Variants in PIEZO2 observed in about 807,000 individuals in gnomAD.
The protein encoded by PIEZO2 is piezo-type mechanosensitive ion channel component 2.
PIEZO2 carries 172 observed loss-of-function variants against 337.3 expected under a neutral mutation model. That is an observed-to-expected ratio of 0.51 (90% CI 0.45 to 0.58). The LOEUF is 0.58. Ranked by LOEUF, PIEZO2 falls within the 20% of genes least tolerant of loss-of-function variation. The pLI is 0.00. For missense variants in PIEZO2, 3,028 were observed against 3,391.3 expected, an observed-to-expected ratio of 0.89 and a Z score of 2.66; for synonymous variants, 1,251 against 1,228.5, an observed-to-expected ratio of 1.02 and a Z score of -0.38.
At position 10,868,157 on chromosome 18, in the gene PIEZO2, A is replaced by G. The variant is rs138490602; in HGVS notation, c.492+3096T>C. Among the ~76,000 whole-genome samples, 224 of 152,344 alleles carry G rather than the reference A, an allele frequency of 1.5e-3. 2 individuals carry two copies. Among genetic ancestry groups the G allele is most frequent in the African/African-American group, 4.4e-3 (182 of 41,590 alleles). ...CACGGATTAGTTGCTGCTTTAAAAC[A>G]ACACCGCTTTTGAAAAGGAATTCTC... is the stretch of plus-strand genomic sequence containing the variant. On this transcript the variant is annotated intron_variant, in intron 5 of 55. Coordinates refer to ENST00000674853, the MANE Select transcript of PIEZO2 (RefSeq NM_001378183.1).
chr18:10,997,393 T>C (rs1380462891), intron 2 of PIEZO2, among the ~76,000 whole-genome samples: 1 of 151,954 alleles, frequency 6.6e-6, no homozygotes, highest in East Asian at 1.9e-4. Context: ...ACCAGGAAAA[T>C]CTGATCAATT....
intron 18 of PIEZO2, among the ~76,000 whole-genome samples, chr18:10,776,158 C>T (rs573350224): frequency 6.6e-6 from 1 of 152,122 alleles, no homozygotes; most frequent in South Asian, 2.1e-4. Context: ...TTTTTAGAGG[C>T]CATAGAGAAG....
At chr18:10,937,500 A>T (rs888953332) in intron 3 of PIEZO2, among the ~76,000 whole-genome samples, 10 of 152,142 alleles carry the variant, frequency 6.6e-5, no homozygotes, top group Admixed American at 2.0e-4. Context: ...AGATTTGCCT[A>T]AATATCTATA....
In PIEZO2 at chr18:10,833,556, G is replaced by C. The variant is rs994839770; in HGVS notation, c.917+21797C>G. On this transcript the variant is annotated intron_variant, in intron 7 of 55. Transcript: ENST00000674853. This position sits in a 1 kb window ranked among gnomAD's most constrained non-coding sequence, Gnocchi z 4.7. ...CGTCTGTGCCCCCAGTTACTACAAG[G>C]ATGAGAGATTGTACAGCCCAAACTG... is the stretch of plus-strand genomic sequence containing the variant. Among the ~76,000 whole-genome samples, 1 of 152,122 alleles carries C rather than the reference G, an allele frequency of 6.6e-6. No homozygotes were observed. Among genetic ancestry groups the C allele is most frequent in the African/African-American group, 2.4e-5 (1 of 41,418 alleles).
chr18:11,106,440 G>C (rs1345025742), intron 1 of PIEZO2, among the ~76,000 whole-genome samples: 1 of 116,002 alleles, frequency 8.6e-6, no homozygotes, highest in Non-Finnish European at 1.6e-5. Flanking sequence ...TTTTTTCTGA[G>C]ACAGGGTCTC....
intron 3 of PIEZO2, among the ~76,000 whole-genome samples, chr18:10,934,985 G>A (rs919077224): frequency 1.3e-5 from 2 of 152,112 alleles, no homozygotes; most frequent in African/African-American, 4.8e-5. Context: ...ACACAATCAT[G>A]AAGCAGAAAA....
At chr18:10,698,874 A>C (rs2035212776) in intron 44 of PIEZO2, 51 bp downstream of exon 44, 1 of 1,527,596 alleles carries the variant, frequency 6.5e-7, no homozygotes, top group Non-Finnish European at 8.7e-7. Context: ...CCAGAAAAAC[A>C]AGGCCACCTG....
Position 10,731,471 on chromosome 18 carries a change from T to G in PIEZO2, c.4965A>C (p.Arg1655Ser), listed in dbSNP as rs1409221401. 6.5e-7 allele frequency: 1 copy of G among 1,535,428 alleles called. No homozygotes were observed. Among genetic ancestry groups the G allele is most frequent in the Non-Finnish European group, 8.7e-7 (1 of 1,146,158 alleles). Residue 1655 changes from arginine to serine, a missense_variant, in exon 36 of 56, where the codon AGA becomes AGC. Arg to Ser is a moderately radical substitution (Grantham distance 110). Coordinates refer to ENST00000674853, the MANE Select transcript of PIEZO2 (RefSeq NM_001378183.1). Reference sequence around the variant, plus strand: ...TTGCAGACCTTTTTTTCTCTTTGTGTCTTTGTCGGAGTGCTGTTTTAGGAT... The same window carrying G: ...TTGCAGACCTTTTTTTCTCTTTGTGGCTTTGTCGGAGTGCTGTTTTAGGAT... Reference protein sequence around the residue: ...ITDPKTALRQRHKEKKRSARE... With the variant: ...ITDPKTALRQSHKEKKRSARE...
intron 3 of PIEZO2, among the ~76,000 whole-genome samples, chr18:10,936,937 C>A (rs150088774): frequency 2.0e-3 from 307 of 152,168 alleles, no homozygotes; most frequent in African/African-American, 7.0e-3. Flanking sequence ...CCTTGTGAAT[C>A]CCCCCATGAC....
chr18:11,039,765 CACACACACACAA>C (rs996993350), intron 2 of PIEZO2, among the ~76,000 whole-genome samples: 2 of 144,328 alleles, frequency 1.4e-5, no homozygotes, highest in Non-Finnish European at 3.0e-5. Context: ...CACACACACA[CACACACACACAA>C]AATTTCTTCC....
intron 13 of PIEZO2, among the ~76,000 whole-genome samples, chr18:10,793,636 A>G (rs759088211): frequency 7.9e-5 from 12 of 152,164 alleles, no homozygotes; most frequent in Admixed American, 2.0e-4. Flanking sequence ...GTGTGTGAAT[A>G]TGTGTGTGTG....
Position 11,126,068 on chromosome 18 carries a change from T to G in PIEZO2, c.64+22457A>C, listed in dbSNP as rs2040172905. On this transcript the variant is annotated intron_variant, in intron 1 of 55. Transcript: ENST00000674853. The surrounding 1 kb of genome is among the most constrained non-coding windows in gnomAD (Gnocchi z 4.6). The stretch of plus-strand genomic sequence containing the variant: ...GTTAACTTTCAGTCTGTACTTACCC[T>G]TAGACCTGCATTACAAGTAGAACAG... Among the ~76,000 whole-genome samples the G allele has an allele frequency of 6.6e-6, 1 of 152,180 alleles. No individual in the cohort carries two copies. Among genetic ancestry groups the G allele is most frequent in the Non-Finnish European group, 1.5e-5 (1 of 68,032 alleles).
intron 7 of PIEZO2, among the ~76,000 whole-genome samples, chr18:10,816,792 A>G (rs1171118066): frequency 6.6e-6 from 1 of 152,236 alleles, no homozygotes; most frequent in Non-Finnish European, 1.5e-5. Context: ...TGATATTTCC[A>G]GATGTGGTAA....
At position 10,719,005 on chromosome 18, in the gene PIEZO2, A is replaced by AT. The variant is rs1448650130; in HGVS notation, c.5030-747dup. On this transcript the variant is annotated intron_variant, in intron 36 of 55. Coordinates refer to ENST00000674853, the MANE Select transcript of PIEZO2 (RefSeq NM_001378183.1). ...AATAAATAAATAAATAAATAAATAA[A>AT]TAAATAAATAAATAAATAAATTTGC... Among the ~76,000 whole-genome samples the AT allele has an allele frequency of 4.2e-3, 629 of 148,620 alleles. 3 individuals are homozygous for AT. The highest frequency in any genetic ancestry group is 0.015 in the African/African-American group (597 of 38,826).
At position 10,707,401 on chromosome 18, in the gene PIEZO2, C is replaced by T. The variant is rs1464128130; in HGVS notation, c.5588+874G>A. 6.6e-6 allele frequency among the ~76,000 whole-genome samples: 1 copy of T among 152,148 alleles called. No individual in the cohort carries two copies. The highest frequency in any genetic ancestry group is 1.5e-5 in the Non-Finnish European group (1 of 68,036). Reference sequence around the variant, plus strand: ...TGTCAAATGGCCAAGGCATTCCCATCAATGCCAGGTGTCAGCATACTGCAG... The same window carrying T: ...TGTCAAATGGCCAAGGCATTCCCATTAATGCCAGGTGTCAGCATACTGCAG... On this transcript the variant is annotated intron_variant, in intron 40 of 55. Coordinates refer to ENST00000674853, the MANE Select transcript of PIEZO2 (RefSeq NM_001378183.1). This position sits in a 1 kb window ranked among gnomAD's most constrained non-coding sequence, Gnocchi z 4.2.
chr18:10,726,835 C>A lies in PIEZO2; in HGVS notation c.5029+4572G>T. 2 of 1,579,590 alleles carry A rather than the reference C, an allele frequency of 1.3e-6. No individual in the cohort carries two copies. Among genetic ancestry groups the A allele is most frequent in the Non-Finnish European group, 1.7e-6 (2 of 1,152,266 alleles). On this transcript the variant is annotated intron_variant, in intron 36 of 55. Transcript: ENST00000674853. The surrounding 1 kb of genome is among the most constrained non-coding windows in gnomAD (Gnocchi z 5.9). ...TGGGGTGCTGGATAATACCCGGATG[C>A]CCCACCTTATGCAGGACTTGGCACG...
At chr18:10,970,799 C>T (rs1411281741) in intron 3 of PIEZO2, among the ~76,000 whole-genome samples, 1 of 151,734 alleles carries the variant, frequency 6.6e-6, no homozygotes, top group Non-Finnish European at 1.5e-5. Flanking sequence ...GAAATTTTGC[C>T]CTATTACGGG....
At chr18:10,944,777 G>C (rs1459699650) in intron 3 of PIEZO2, among the ~76,000 whole-genome samples, 1 of 151,906 alleles carries the variant, frequency 6.6e-6, no homozygotes, top group Admixed American at 6.6e-5. Flanking sequence ...TCTCCCACCA[G>C]AGACAACCAA....
At chr18:10,809,855 C>T (rs2040132036) in intron 7 of PIEZO2, among the ~76,000 whole-genome samples, 2 of 152,184 alleles carry the variant, frequency 1.3e-5, no homozygotes, top group Non-Finnish European at 2.9e-5. Context: ...TCACAGAAAC[C>T]CTCTCTTTCA....
Sources: allele counts gnomAD v4.1 joint callset (sites outside exome capture counted in the v4.1 genomes callset), GRCh38; gene constraint gnomAD v4.1.1; non-coding constraint Gnocchi (gnomAD v3.1); transcripts MANE v1.5; gene names NCBI Gene and HGNC (gene_info 2026-07-23, HGNC 2026-07-21).